Variants in TNK2 observed in about 807,000 individuals in gnomAD.
TNK2 encodes tyrosine kinase non receptor 2.
A neutral mutation model predicts 101.8 loss-of-function variants in TNK2; 83 were observed. The observed-to-expected ratio is 0.82, with a 90% CI of 0.68 to 0.98. The LOEUF (loss-of-function observed/expected upper bound fraction) is 0.98. Ranked by LOEUF, TNK2 falls within the 50% of genes least tolerant of loss-of-function variation. The pLI is 0.00. For synonymous variants in TNK2, 804 were observed against 633.0 expected (o/e 1.27, Z -4.06); for missense variants, 1,665 against 1,483.2 (o/e 1.12, Z -2.01).
chr3:195,872,356 G>A lies in TNK2; in HGVS notation c.1371C>T (p.Pro457=). 1 of 1,613,416 alleles carries A rather than the reference G, an allele frequency of 6.2e-7. No homozygotes were observed. Among genetic ancestry groups the A allele is most frequent in the East Asian group, 2.2e-5 (1 of 44,880 alleles). ...CTGTGTGGATGAAGCTGTTCTGCAGGGGCTGGCTGATGTCCTGGGCCGACA... is the reference window on the plus strand; with the variant it reads ...CTGTGTGGATGAAGCTGTTCTGCAGAGGCTGGCTGATGTCCTGGGCCGACA... ...AGLSAQDISQ[P]LQNSFIHTGH... The change falls in exon 10 of 16, where the codon CCC becomes CCT. Residue 457 remains proline (P), a synonymous_variant. Transcript: ENST00000672887.
intron 2 of TNK2, 24 bp from the exon 3 acceptor site, chr3:195,887,071 G>A (rs369482513): frequency 1.4e-5 from 22 of 1,592,468 alleles, no homozygotes; most frequent in African/African-American, 2.7e-5. Flanking sequence ...GGGGAACCGC[G>A]TGCTGTGAAG....
At chr3:195,877,520 C>T (rs767326178) in intron 9 of TNK2, among the ~76,000 whole-genome samples, 4 of 152,216 alleles carry the variant, frequency 2.6e-5, no homozygotes, top group Non-Finnish European at 5.9e-5. Context: ...AGGGGATTTC[C>T]TCCACTTCAC....
intron 9 of TNK2, among the ~76,000 whole-genome samples, chr3:195,877,487 C>T (rs939762685): frequency 8.5e-5 from 13 of 152,176 alleles, no homozygotes; most frequent in Admixed American, 4.6e-4. Context: ...CCTTGCCTGG[C>T]CTGAGTCAGG....
intron 1 of TNK2, among the ~76,000 whole-genome samples, chr3:195,896,953 G>A (rs551841254): frequency 2.6e-5 from 4 of 152,112 alleles, no homozygotes; most frequent in Non-Finnish European, 4.4e-5. Flanking sequence ...CGGCCAAGAG[G>A]ATTTTTCCAA....
chr3:195,887,851 CGT>C (rs60565985), intron 2 of TNK2, among the ~76,000 whole-genome samples: 28,460 of 146,760 alleles, frequency 0.19, 2,875 homozygotes, highest in Middle Eastern at 0.3. Context: ...TGTGTGTGTG[CGT>C]GTCTGTGTGC....
At chr3:195,880,913 T>A (rs1230237664) in intron 6 of TNK2, among the ~76,000 whole-genome samples, 3 of 23,124 alleles carry the variant, frequency 1.3e-4, no homozygotes, top group African/African-American at 5.6e-4. Flanking sequence ...ACAGCATCTA[T>A]CCCTGTAACA....
intron 10 of TNK2, among the ~76,000 whole-genome samples, chr3:195,870,936 C>T (rs554864242): frequency 6.7e-6 from 1 of 148,928 alleles, no homozygotes; most frequent in East Asian, 2.0e-4. Flanking sequence ...TGTGGGGGCC[C>T]GCTGTGTGGG....
chr3:195,867,782 T>A lies in TNK2; in HGVS notation c.2516A>T (p.Asp839Val), dbSNP rs1191184155. ...CACCTGGGGGGTGGCGTACTTGGGG[T>A]CTGAGGCAAAGCTCTGGGTGGTGGG... The part of the protein sequence containing the change: ...TMPTTQSFAS[D>V]PKYATPQVIQ... The change falls in exon 13 of 16, where the codon GAC becomes GTC. Residue 839 changes from aspartate (D) to valine (V), a missense_variant. Coordinates refer to ENST00000672887, the MANE Select transcript of TNK2 (RefSeq NM_001382273.1). The A allele has an allele frequency of 6.3e-7, 1 of 1,577,850 alleles. No individual in the cohort carries two copies.
At chr3:195,891,133 T>A (rs1377100229) in intron 1 of TNK2, among the ~76,000 whole-genome samples, 1 of 152,232 alleles carries the variant, frequency 6.6e-6, no homozygotes, top group African/African-American at 2.4e-5. Context: ...AAAAATAACA[T>A]CTAGGCCAAG....
In TNK2 at chr3:195,868,155, A is replaced by G; in HGVS notation, c.2143T>C (p.Ser715Pro). 6.2e-7 allele frequency: 1 copy of G among 1,611,104 alleles called. No individual in the cohort carries two copies. ...TGGAAGATCTCTGCGGTCTGTGCGGAGCTGGGCGGCTTGCCCCCACCCTGG... is the reference window on the plus strand; with the variant it reads ...TGGAAGATCTCTGCGGTCTGTGCGGGGCTGGGCGGCTTGCCCCCACCCTGG... ...PPQGGGKPPS[S>P]AQTAEIFQAL... Residue 715 changes from serine to proline, a missense_variant, in exon 13 of 16, where the codon TCC (serine) becomes CCC (proline). Physicochemically the swap from Ser to Pro is moderately conservative, Grantham distance 74. This residue lies in a region of TNK2 where 1,136 missense variants were observed against 894.9 expected (regional missense o/e 1.27). Coordinates refer to ENST00000672887, the MANE Select transcript of TNK2 (RefSeq NM_001382273.1).
At chr3:195,871,830 T>C (rs1264928265) in intron 10 of TNK2, among the ~76,000 whole-genome samples, 1 of 152,178 alleles carries the variant, frequency 6.6e-6, no homozygotes, top group East Asian at 1.9e-4. Flanking sequence ...GTTTCACAGA[T>C]GAAGTGTCTC....
chr3:195,888,697 AC>A lies in TNK2; in HGVS notation c.-18-92del, dbSNP rs1757162958. 2.1e-5 allele frequency: 27 copies of A among 1,274,712 alleles called. 1 individual carries two copies. In the South Asian group the frequency reaches 3.7e-4, roughly 17 times the overall value. The allele number at this position is 1,274,712 out of a possible 1,614,324, so 79.0% of individuals were successfully genotyped here. On this transcript the variant is annotated intron_variant, in intron 1 of 15. Coordinates refer to ENST00000672887, the MANE Select transcript of TNK2 (RefSeq NM_001382273.1). The surrounding 1 kb of genome is among the most constrained non-coding windows in gnomAD (Gnocchi z 5.3). Reference sequence around the variant, plus strand: ...CCTGGGCTCACCTTCATCCCACTACACGGCCACCCGGAAGGGCTCACACCAC... The same window carrying A: ...CCTGGGCTCACCTTCATCCCACTACAGGCCACCCGGAAGGGCTCACACCAC...
rs569544499 is a variant in TNK2, at chr3:195,903,798, A to G, written c.-19+4687T>C. On this transcript the variant is annotated intron_variant, in intron 1 of 15. Transcript: ENST00000672887. The stretch of plus-strand genomic sequence containing the variant: ...AGAAGCAACAGGCATAAAGATCAGA[A>G]AGGAGGAAGTAAAACTTTATTAGCA... Among the ~76,000 whole-genome samples the G allele has an allele frequency of 2.6e-5, 4 of 152,304 alleles. No homozygotes were observed. The South Asian group carries it at 8.3e-4, about 32-fold the overall frequency.
rs1216723949 is a variant in TNK2 at position 195,868,157 on chromosome 3, C to A, written c.2141G>T (p.Ser714Ile). 8.1e-6 allele frequency: 13 copies of A among 1,610,966 alleles called. No homozygotes were observed. The highest frequency in any genetic ancestry group is 1.3e-5 in the African/African-American group (1 of 74,842). ...LPPQGGGKPP[S>I]SAQTAEIFQA... The stretch of plus-strand genomic sequence containing the variant: ...GAAGATCTCTGCGGTCTGTGCGGAG[C>A]TGGGCGGCTTGCCCCCACCCTGGGG... Residue 714 changes from serine to isoleucine, a missense_variant, in exon 13 of 16, where the codon AGC becomes ATC. Ser to Ile is a moderately radical substitution (Grantham distance 142). Coordinates refer to ENST00000672887, the MANE Select transcript of TNK2 (RefSeq NM_001382273.1).
At chr3:195,887,116 T>C in intron 2 of TNK2, 69 bp from the exon 3 acceptor site, 1 of 1,545,934 alleles carries the variant, frequency 6.5e-7, no homozygotes. Context: ...CTGCCTGTGG[T>C]CCCCTTGGGG....
rs752762582 is a variant in TNK2 at position 195,867,270 on chromosome 3, C to A, written c.2938-6G>T. ...CCATGCACCATGGCCTGCAGCTGGG[C>A]ACACCCACCCCTGTCAGCACCACTA... is the stretch of plus-strand genomic sequence containing the variant. On this transcript the variant is annotated splice_region_variant and splice_polypyrimidine_tract_variant and intron_variant, in intron 13 of 15. Transcript: ENST00000672887. 1.2e-6 allele frequency: 2 copies of A among 1,609,144 alleles called. No individual in the cohort carries two copies. Among genetic ancestry groups the A allele is most frequent in the South Asian group, 2.2e-5 (2 of 90,886 alleles).
At chr3:195,884,638 C>T (rs1754775322) in intron 4 of TNK2, 174 bp downstream of exon 4, 3 of 614,332 alleles carry the variant, frequency 4.9e-6, no homozygotes, top group Non-Finnish European at 5.5e-6. Flanking sequence ...AGCGAGACTC[C>T]ATCTCAAAAA....
chr3:195,890,454 GTTTT>G (rs58431049), intron 1 of TNK2, among the ~76,000 whole-genome samples: 3 of 119,170 alleles, frequency 2.5e-5, no homozygotes, highest in Non-Finnish European at 5.3e-5. Context: ...TAGTTTTTTG[GTTTT>G]TTTTTTTTTT....
Position 195,868,464 on chromosome 3 carries a change from A to C in TNK2, c.1834T>G (p.Cys612Gly). The change falls in exon 13 of 16, where the codon TGC becomes GGC. Residue 612 changes from cysteine to glycine, a missense_variant. This residue lies in a region of TNK2 where 1,136 missense variants were observed against 894.9 expected (regional missense o/e 1.27). Transcript: ENST00000672887. ...PSLAQLAMDACSLLDETPPQS... is the reference protein window; with the variant it reads ...PSLAQLAMDAGSLLDETPPQS... ...GGCGGGGTCTCGTCCAGCAGGGAGC[A>C]GGCGTCCATGGCCAGCTGCGCCAGG... 1 of 1,558,144 alleles carries C rather than the reference A, an allele frequency of 6.4e-7. No homozygotes were observed. Among genetic ancestry groups the C allele is most frequent in the East Asian group, 2.3e-5 (1 of 43,766 alleles).
Sources: allele counts gnomAD v4.1 joint callset (sites outside exome capture counted in the v4.1 genomes callset), GRCh38; gene constraint gnomAD v4.1.1; regional missense constraint gnomAD v4.1.1; non-coding constraint Gnocchi (gnomAD v3.1); transcripts MANE v1.5; gene names NCBI Gene and HGNC (gene_info 2026-07-23, HGNC 2026-07-21).